The following SRPK2 variants were observed in gnomAD, a reference collection of about 807,000 sequenced individuals.
SRPK2 encodes SFRS protein kinase 2.
Under a neutral mutation model 90.8 loss-of-function variants are expected in SRPK2, and 21 were observed. The ratio of observed to expected loss-of-function variants is 0.23; its 90% CI spans 0.16 to 0.33. The LOEUF (loss-of-function observed/expected upper bound fraction) is 0.33, where lower values mean the gene tolerates loss of function less well. Among genes scored for constraint, SRPK2 ranks in the 10% least tolerant of loss-of-function variants. SRPK2 has a pLI of 1.00. For missense variants in SRPK2, 620 were observed against 869.0 expected (o/e 0.71, Z 3.60); for synonymous variants, 288 against 311.1 (o/e 0.93, Z 0.78).
At chr7:105,270,294 G>A (rs928704087) in intron 2 of SRPK2, among the ~76,000 whole-genome samples, 2 of 152,160 alleles carry the variant, frequency 1.3e-5, no homozygotes, top group African/African-American at 2.4e-5. Flanking sequence ...CTCACCTTGA[G>A]GATCAGGCAC....
chr7:105,321,198 G>A (rs2131546257), intron 2 of SRPK2, among the ~76,000 whole-genome samples: 1 of 152,236 alleles, frequency 6.6e-6, no homozygotes, highest in Admixed American at 6.5e-5. Context: ...ATAACAGTCT[G>A]CACATGAAGA....
At chr7:105,219,735 C>T (rs1585221728) in intron 2 of SRPK2, among the ~76,000 whole-genome samples, 1 of 152,334 alleles carries the variant, frequency 6.6e-6, no homozygotes, top group East Asian at 1.9e-4. Context: ...ATCTAATACT[C>T]TGATTTCATA....
intron 2 of SRPK2, among the ~76,000 whole-genome samples, chr7:105,331,936 A>G (rs1433073449): frequency 6.6e-6 from 1 of 152,118 alleles, no homozygotes; most frequent in Non-Finnish European, 1.5e-5. Flanking sequence ...AGGCAGGTGA[A>G]TCACATGAGA....
chr7:105,358,927 C>CAGAGAGAGAG (rs57910582), intron 2 of SRPK2, among the ~76,000 whole-genome samples: 2 of 148,370 alleles, frequency 1.3e-5, no homozygotes, highest in Non-Finnish European at 3.0e-5. Flanking sequence ...GCTAAGAACA[C>CAGAGAGAGAG]AGAGAGAGAG....
chr7:105,144,657 C>T (rs572176894), intron 9 of SRPK2, among the ~76,000 whole-genome samples: 3 of 152,208 alleles, frequency 2.0e-5, no homozygotes, highest in Middle Eastern at 3.4e-3. Flanking sequence ...AACTTAGCAG[C>T]CAATCAGAAA....
chr7:105,333,723 T>C (rs1478629264), intron 2 of SRPK2, among the ~76,000 whole-genome samples: 2 of 152,240 alleles, frequency 1.3e-5, no homozygotes, highest in East Asian at 3.8e-4. Context: ...CAATATTTGG[T>C]AATGAGCTTT....
At chr7:105,232,780 T>A (rs903101165) in intron 2 of SRPK2, among the ~76,000 whole-genome samples, 1 of 151,826 alleles carries the variant, frequency 6.6e-6, no homozygotes, top group African/African-American at 2.4e-5. Flanking sequence ...TTTGGGAGGC[T>A]GAGGCAGGTG....
chr7:105,286,178 T>C (rs1440868769), intron 2 of SRPK2, among the ~76,000 whole-genome samples: 1 of 152,222 alleles, frequency 6.6e-6, no homozygotes, highest in Non-Finnish European at 1.5e-5. Flanking sequence ...CTATGTTCTA[T>C]GCATCTCCAC....
At chr7:105,272,483 T>A (rs1805951854) in intron 2 of SRPK2, among the ~76,000 whole-genome samples, 1 of 152,238 alleles carries the variant, frequency 6.6e-6, no homozygotes, top group African/African-American at 2.4e-5. Context: ...CTAAATAACA[T>A]TATAGGAGGA....
At chr7:105,183,505 G>C (rs1233188735) in intron 3 of SRPK2, among the ~76,000 whole-genome samples, 1 of 151,706 alleles carries the variant, frequency 6.6e-6, no homozygotes, top group African/African-American at 2.4e-5. Flanking sequence ...TTGTTTTTTT[G>C]AGACAGAGTC....
intron 3 of SRPK2, among the ~76,000 whole-genome samples, chr7:105,194,370 GAAT>G (rs1453290081): frequency 1.3e-5 from 2 of 151,730 alleles, no homozygotes. Flanking sequence ...AGGCAAAAAA[GAAT>G]AATAATTTAT....
At chr7:105,249,544 A>C (rs1436006178) in intron 2 of SRPK2, among the ~76,000 whole-genome samples, 1 of 152,150 alleles carries the variant, frequency 6.6e-6, no homozygotes, top group Non-Finnish European at 1.5e-5. Flanking sequence ...CCAGACTCTA[A>C]ATGCCTGAAT....
intron 2 of SRPK2, among the ~76,000 whole-genome samples, chr7:105,302,996 C>G (rs1810730661): frequency 6.6e-6 from 1 of 151,940 alleles, no homozygotes; most frequent in Non-Finnish European, 1.5e-5. Context: ...ATGGCATGAA[C>G]CCAGGAGGCG....
intron 2 of SRPK2, chr7:105,301,440 G>A (rs1810543428): frequency 5.2e-6 from 4 of 770,806 alleles, no homozygotes; most frequent in African/African-American, 1.7e-5. Context: ...GGGGTCGCCG[G>A]GCCTCTGGGC....
In SRPK2 at chr7:105,208,226, G is replaced by A. The variant is rs183543314; in HGVS notation, c.72-4441C>T. ...ATATAGCATAGCCATCTTGGAAAACGGTCTGGCAGTTCCTCAAAAGTTTAA... is the reference window on the plus strand; with the variant it reads ...ATATAGCATAGCCATCTTGGAAAACAGTCTGGCAGTTCCTCAAAAGTTTAA... On this transcript the variant is annotated intron_variant, in intron 2 of 15. Transcript: ENST00000393651. 1.4e-3 allele frequency among the ~76,000 whole-genome samples: 213 copies of A among 152,160 alleles called. 1 individual carries two copies. Among genetic ancestry groups the A allele is most frequent in the Non-Finnish European group, 2.4e-3 (164 of 68,000 alleles).
chr7:105,285,698 GCT>G (rs1808010022), intron 2 of SRPK2, among the ~76,000 whole-genome samples: 1 of 152,150 alleles, frequency 6.6e-6, no homozygotes, highest in East Asian at 1.9e-4. Context: ...ACTTACTCCC[GCT>G]CTCTCTTGCT....
At chr7:105,309,868 A>G (rs961216329) in intron 2 of SRPK2, among the ~76,000 whole-genome samples, 1 of 152,204 alleles carries the variant, frequency 6.6e-6, no homozygotes, top group Non-Finnish European at 1.5e-5. Context: ...CTGTTACACA[A>G]GCATAAACAA....
chr7:105,185,120 G>A (rs1041565071), intron 3 of SRPK2, among the ~76,000 whole-genome samples: 36 of 152,022 alleles, frequency 2.4e-4, no homozygotes, highest in African/African-American at 8.4e-4. Context: ...ATAAATAAAT[G>A]TATAATATAT....
intron 15 of SRPK2, among the ~76,000 whole-genome samples, chr7:105,119,554 TTC>T (rs1477818436): frequency 6.6e-6 from 1 of 152,184 alleles, no homozygotes; most frequent in Non-Finnish European, 1.5e-5. Flanking sequence ...TAAAATAAGC[TTC>T]TGTTTCCAAT....
Sources: allele counts gnomAD v4.1 joint callset (sites outside exome capture counted in the v4.1 genomes callset), GRCh38; gene constraint gnomAD v4.1.1; transcripts MANE v1.5; gene names NCBI Gene and HGNC (gene_info 2026-07-23, HGNC 2026-07-21).